The following ABCA10 variants were observed in gnomAD, a reference collection of about 807,000 sequenced individuals.
ABCA10 encodes ATP binding cassette subfamily A member 10.
ABCA10 carries 169 observed loss-of-function variants against 187.5 expected under a neutral mutation model. The ratio of observed to expected loss-of-function variants is 0.90; its 90% CI spans 0.80 to 1.02. ABCA10 has a LOEUF of 1.02. Ranked by LOEUF, ABCA10 falls within the 50% of genes least tolerant of loss-of-function variation. ABCA10 has a pLI of 0.00. For synonymous variants in ABCA10, 574 were observed against 601.8 expected (o/e 0.95, Z 0.68); for missense variants, 1,727 against 1,812.4 (o/e 0.95, Z 0.86).
chr17:69,188,618 G>A (rs2074439016), intron 18 of ABCA10, among the ~76,000 whole-genome samples: 1 of 151,542 alleles, frequency 6.6e-6, no homozygotes, highest in Non-Finnish European at 1.5e-5. Flanking sequence ...GGATTTGGGG[G>A]TTTGGTGTAC....
intron 18 of ABCA10, 94 bp downstream of exon 18, chr17:69,190,264 A>T (rs1331490363): frequency 3.0e-5 from 40 of 1,347,914 alleles, no homozygotes; most frequent in Non-Finnish European, 3.6e-5. Context: ...TATAGGTAGA[A>T]ATCCACATAA....
rs545829937 is a variant in ABCA10 at position 69,165,239 on chromosome 17, C to T, written c.3163-156G>A. On this transcript the variant is annotated intron_variant, in intron 25 of 38. Transcript: ENST00000690296. ...TTAGGATATCCTCTTTAGGAAGTCT[C>T]AAACTTTCACTGCAACTAAAACATA... is the stretch of plus-strand genomic sequence containing the variant. Among the ~76,000 whole-genome samples, 246 of 152,264 alleles carry T rather than the reference C, an allele frequency of 1.6e-3. 1 individual carries two copies. The highest frequency in any genetic ancestry group is 2.4e-3 in the Admixed American group (37 of 15,292).
chr17:69,158,471 T>C (rs1012643822), intron 27 of ABCA10, among the ~76,000 whole-genome samples: 7 of 151,556 alleles, frequency 4.6e-5, no homozygotes, highest in African/African-American at 1.5e-4. Flanking sequence ...CAAAATTTTA[T>C]GGCAAATAAA....
At chr17:69,200,962 C>T (rs896995436) in intron 10 of ABCA10, among the ~76,000 whole-genome samples, 2 of 152,226 alleles carry the variant, frequency 1.3e-5, no homozygotes, top group African/African-American at 4.8e-5. Flanking sequence ...ATCTGCCCAT[C>T]TGAGCCTACA....
intron 36 of ABCA10, among the ~76,000 whole-genome samples, chr17:69,151,181 T>C (rs1343750033): frequency 6.6e-6 from 1 of 152,184 alleles, no homozygotes; most frequent in African/African-American, 2.4e-5. Flanking sequence ...AGCTTTTGTT[T>C]CATCCTTGAC....
rs1173353846 is a variant in ABCA10 at position 69,152,370 on chromosome 17, T to C, written c.4248A>G (p.Gly1416=). 2.5e-6 allele frequency: 4 copies of C among 1,613,750 alleles called. No individual in the cohort carries two copies. Residue 1416 remains glycine, a synonymous_variant, in exon 35 of 39, where the codon GGA becomes GGG. Coordinates refer to ENST00000690296, the MANE Select transcript of ABCA10 (RefSeq NM_001377321.1). ...TCAGGACAGGCACCCACCTTAGCGT[T>C]CCTGACACCATCATGGCCATACGGT... ...VCDRMAMMVS[G]TLRCIGSIQH... is the part of the protein sequence containing the mutation.
intron 20 of ABCA10, among the ~76,000 whole-genome samples, chr17:69,184,422 A>T (rs1358637604): frequency 6.6e-6 from 1 of 152,082 alleles, no homozygotes; most frequent in African/African-American, 2.4e-5. Flanking sequence ...AGGCTGACCA[A>T]CACTGTTCCA....
upstream of ABCA10, among the ~76,000 whole-genome samples, chr17:69,232,636 G>A (rs184996759): frequency 2.6e-5 from 4 of 151,954 alleles, no homozygotes; most frequent in African/African-American, 7.2e-5. Flanking sequence ...TCATACTAAC[G>A]ATATAAGTGG....
intron 9 of ABCA10, 82 bp downstream of exon 9, chr17:69,214,622 A>C (rs2074689138): frequency 1.7e-6 from 2 of 1,209,584 alleles, no homozygotes. Flanking sequence ...ATGCTTCTTA[A>C]GTTACAAATA....
intron 6 of ABCA10, 60 bp downstream of exon 6, chr17:69,219,485 C>A: frequency 2.4e-6 from 3 of 1,251,462 alleles, no homozygotes; most frequent in Non-Finnish European, 3.2e-6. Flanking sequence ...TTTTTAAGAA[C>A]CTAGTTAGTT....
chr17:69,214,823 C>T lies in ABCA10; in HGVS notation c.887G>A (p.Gly296Asp). ...QITHLDNYLS[G>D]VIFPDPSGDS... is the part of the protein sequence containing the mutation. ...CCCAGAGGGATCAGGAAAAATAACA[C>T]CACTTAAGTAATTATCCAGGTGTGT... is the stretch of plus-strand genomic sequence containing the variant. The change falls in exon 9 of 39, where the codon GGT (glycine) becomes GAT (aspartate). Residue 296 changes from glycine to aspartate, a missense_variant. Transcript: ENST00000690296. 1 of 1,501,004 alleles carries T rather than the reference C, an allele frequency of 6.7e-7. No individual in the cohort carries two copies. Among genetic ancestry groups the T allele is most frequent in the Non-Finnish European group, 8.9e-7 (1 of 1,128,892 alleles). The allele number at this position is 1,501,004 out of a possible 1,614,324, so 93.0% of individuals were successfully genotyped here. A position where few individuals can be genotyped will look rare whatever the true frequency, so the allele number is the denominator to read the frequency against.
chr17:69,163,211 T>C (rs891842216), intron 27 of ABCA10, among the ~76,000 whole-genome samples: 6 of 152,208 alleles, frequency 3.9e-5, no homozygotes, highest in Admixed American at 6.5e-5. Flanking sequence ...TCTTGTCTAA[T>C]GTTCTAACCT....
chr17:69,225,744 C>A (rs1034498553), intron 2 of ABCA10, among the ~76,000 whole-genome samples: 2 of 152,116 alleles, frequency 1.3e-5, no homozygotes, highest in African/African-American at 4.8e-5. Context: ...CAATTGCAAT[C>A]AATCTTAACC....
At position 69,185,624 on chromosome 17, in the gene ABCA10, C is replaced by T. The variant is rs569877835; in HGVS notation, c.2350G>A (p.Ala784Thr). The change falls in exon 20 of 39, where the codon GCT becomes ACT. Residue 784 changes from alanine (A) to threonine (T), a missense_variant. Physicochemically the swap from Ala to Thr is moderately conservative, Grantham distance 58 (BLOSUM62 0). Transcript: ENST00000690296. ...TTCTCTAGAATGATGGGGATAAAAGCAATTCCAAGTACTAGTAACCTAAGT... is the reference window on the plus strand; with the variant it reads ...TTCTCTAGAATGATGGGGATAAAAGTAATTCCAAGTACTAGTAACCTAAGT... ...LLCLLLVLGI[A>T]FIPIILEKIM... is the part of the protein sequence containing the mutation. 6.2e-7 allele frequency: 1 copy of T among 1,607,260 alleles called. No homozygotes were observed. The highest frequency in any genetic ancestry group is 1.3e-5 in the African/African-American group (1 of 74,858).
rs1249404080 is a variant in ABCA10 at position 69,209,413 on chromosome 17, T to C, written c.1006+5291A>G. On this transcript the variant is annotated intron_variant, in intron 9 of 38. Coordinates refer to ENST00000690296, the MANE Select transcript of ABCA10 (RefSeq NM_001377321.1). Reference sequence around the variant, plus strand: ...ACATAAGAAATTACTCATATGAACATGTTACATCACGAAATTGGAAAACTG... The same window carrying C: ...ACATAAGAAATTACTCATATGAACACGTTACATCACGAAATTGGAAAACTG... 5.9e-5 allele frequency among the ~76,000 whole-genome samples: 9 copies of C among 152,224 alleles called. No homozygotes were observed. The East Asian group carries it at 1.2e-3, about 20-fold the overall frequency.
chr17:69,243,653 T>C (rs1276778043), intron 1 of ABCA10, among the ~76,000 whole-genome samples: 1 of 152,204 alleles, frequency 6.6e-6, no homozygotes, highest in African/African-American at 2.4e-5. Context: ...ATTCCGACAC[T>C]TTGGGAGGCC....
intron 6 of ABCA10, 63 bp from the exon 7 acceptor site, chr17:69,216,421 G>T: frequency 6.6e-7 from 1 of 1,523,264 alleles, no homozygotes. Context: ...GAGGTAATGT[G>T]CGAAATGGTT....
Position 69,219,736 on chromosome 17 carries a change from T to A in ABCA10, c.339A>T (p.Thr113=). ...TCTTCATATTTATTCCAATAACTGA[T>A]GTCAACTCCTCCATTACAGAATGAT... is the stretch of plus-strand genomic sequence containing the variant. ...TTNHSVMEEL[T]SVIGINMKIP... The change falls in exon 6 of 39, where the codon ACA becomes ACT. Residue 113 remains threonine, a synonymous_variant. Coordinates refer to ENST00000690296, the MANE Select transcript of ABCA10 (RefSeq NM_001377321.1). The A allele has an allele frequency of 6.2e-7, 1 of 1,606,322 alleles. No homozygotes were observed. The highest frequency in any genetic ancestry group is 8.5e-7 in the Non-Finnish European group (1 of 1,176,876).
At chr17:69,225,211 T>G (rs2074784211) in intron 3 of ABCA10, 114 bp downstream of exon 3, 2 of 1,193,718 alleles carry the variant, frequency 1.7e-6, no homozygotes, top group African/African-American at 3.0e-5. Flanking sequence ...AATGAGAATC[T>G]TTGCCTCAGT....
Sources: gnomAD v4.1 joint callset for allele counts (sites outside exome capture counted in the v4.1 genomes callset) on GRCh38, gnomAD v4.1.1 for gene constraint, MANE v1.5 for transcripts, NCBI Gene and HGNC (gene_info 2026-07-23, HGNC 2026-07-21) for gene names.